FCHSD2: variants seen among roughly 807,000 people sequenced by gnomAD.
FCHSD2 encodes the protein FCH and double SH3 domains 2.
In FCHSD2, 38 loss-of-function variants were observed where a neutral mutation model predicts 108.1. The ratio of observed to expected loss-of-function variants is 0.35; its 90% CI spans 0.27 to 0.46. FCHSD2 has a LOEUF of 0.46. Among genes scored for constraint, FCHSD2 ranks in the 20% least tolerant of loss-of-function variants. The probability of loss-of-function intolerance (pLI) is 1.00; values close to 1 mark genes in which losing one functional copy is unlikely to be tolerated. For synonymous variants in FCHSD2, 279 were observed against 314.7 expected (o/e 0.89, Z 1.20); for missense variants, 751 against 897.8 (o/e 0.84, Z 2.09).
chr11:72,919,774 T>A (rs1329768774), intron 9 of FCHSD2, among the ~76,000 whole-genome samples: 1 of 151,626 alleles, frequency 6.6e-6, no homozygotes, highest in Non-Finnish European at 1.5e-5. Context: ...TTAGAATAAA[T>A]GTCGTTGGAT....
At chr11:72,852,343 C>T (rs1479557847) in intron 13 of FCHSD2, among the ~76,000 whole-genome samples, 2 of 152,160 alleles carry the variant, frequency 1.3e-5, no homozygotes, top group East Asian at 1.9e-4. Flanking sequence ...AACAGGACTA[C>T]CATTCAACCC....
At chr11:73,128,762 C>T (rs949948143) in intron 2 of FCHSD2, among the ~76,000 whole-genome samples, 6 of 152,192 alleles carry the variant, frequency 3.9e-5, no homozygotes, top group Non-Finnish European at 7.4e-5. Flanking sequence ...GACTACTAAC[C>T]GTGGTGAAAG....
At chr11:73,092,911 T>A (rs2135524210) in intron 2 of FCHSD2, among the ~76,000 whole-genome samples, 1 of 152,244 alleles carries the variant, frequency 6.6e-6, no homozygotes, top group Non-Finnish European at 1.5e-5. Context: ...CTGACACAAG[T>A]GTTTCTGTCT....
At chr11:73,031,555 G>T (rs1858361629) in intron 3 of FCHSD2, among the ~76,000 whole-genome samples, 1 of 152,124 alleles carries the variant, frequency 6.6e-6, no homozygotes, top group African/African-American at 2.4e-5. Context: ...ATTTGTACTG[G>T]GTGTTACACT....
At chr11:72,889,981 C>T (rs1855280538) in intron 10 of FCHSD2, 36 bp from the exon 11 acceptor site, 1 of 1,335,656 alleles carries the variant, frequency 7.5e-7, no homozygotes, top group Non-Finnish European at 1.1e-6. Flanking sequence ...AAAAATATTG[C>T]TATCCTTATT....
chr11:73,141,988 G>C lies in FCHSD2; in HGVS notation c.-111C>G. ...CAGCGAGCGCGCGCGTGTGTGAAAGGAGCGCTTAAGAAGCAAGACTTGCCC... is the reference window on the plus strand; with the variant it reads ...CAGCGAGCGCGCGCGTGTGTGAAAGCAGCGCTTAAGAAGCAAGACTTGCCC... On this transcript the variant is annotated 5_prime_UTR_variant, in exon 1 of 20. Transcript: ENST00000409418. The C allele has an allele frequency of 9.1e-7, 1 of 1,101,396 alleles. No homozygotes were observed. Among genetic ancestry groups the C allele is most frequent in the Non-Finnish European group, 1.3e-6 (1 of 772,544 alleles). The allele number at this position is 1,101,396 out of a possible 1,614,324, so 68.2% of individuals were successfully genotyped here.
chr11:72,941,635 ATTTC>A (rs974180762), intron 8 of FCHSD2, among the ~76,000 whole-genome samples: 12 of 152,128 alleles, frequency 7.9e-5, no homozygotes, highest in Non-Finnish European at 1.5e-4. Context: ...AAAAATTAAG[ATTTC>A]TTTACCTTCA....
intron 3 of FCHSD2, among the ~76,000 whole-genome samples, chr11:73,017,442 A>G (rs1032649939): frequency 8.5e-5 from 13 of 152,138 alleles, no homozygotes; most frequent in African/African-American, 3.1e-4. Flanking sequence ...TTAATCAACT[A>G]CCTGCTTGAG....
intron 2 of FCHSD2, among the ~76,000 whole-genome samples, chr11:73,123,176 C>A (rs1331709413): frequency 6.6e-6 from 1 of 152,166 alleles, no homozygotes; most frequent in Non-Finnish European, 1.5e-5. Flanking sequence ...TTGGGGTACA[C>A]AATAAAATAA....
chr11:72,864,613 A>G (rs1854683300), intron 13 of FCHSD2, among the ~76,000 whole-genome samples: 1 of 152,210 alleles, frequency 6.6e-6, no homozygotes, highest in African/African-American at 2.4e-5. Flanking sequence ...TTAAAAAATA[A>G]ATAAATAAGA....
intron 3 of FCHSD2, among the ~76,000 whole-genome samples, chr11:73,040,426 G>A (rs1163490592): frequency 6.6e-6 from 1 of 152,196 alleles, no homozygotes. Flanking sequence ...ATACACATTT[G>A]TATGTGTCTG....
At position 72,940,412 on chromosome 11, in the gene FCHSD2, G is replaced by C. The variant is rs568002697; in HGVS notation, c.706-18462C>G. On this transcript the variant is annotated intron_variant, in intron 8 of 19. Coordinates refer to ENST00000409418, the MANE Select transcript of FCHSD2 (RefSeq NM_014824.3). Reference sequence around the variant, plus strand: ...TTTAATATTAAAGGAAATAATATATGTAATGAGGTTAGTATAATATGTGGC... The same window carrying C: ...TTTAATATTAAAGGAAATAATATATCTAATGAGGTTAGTATAATATGTGGC... 410 of 535,742 alleles carry C rather than the reference G, an allele frequency of 7.7e-4. 2 individuals carry two copies. In the South Asian group the frequency reaches 0.01, roughly 13 times the overall value. The allele number at this position is 535,742 out of a possible 1,614,324, so 33.2% of individuals were successfully genotyped here. A position where few individuals can be genotyped will look rare whatever the true frequency, so the allele number is the denominator to read the frequency against.
At chr11:72,943,575 G>A (rs1349957244) in intron 8 of FCHSD2, among the ~76,000 whole-genome samples, 1 of 152,146 alleles carries the variant, frequency 6.6e-6, no homozygotes, top group Non-Finnish European at 1.5e-5. Context: ...CAGGTGAGAC[G>A]GAGATGAAGG....
At chr11:73,124,172 A>C (rs1860799643) in intron 2 of FCHSD2, among the ~76,000 whole-genome samples, 1 of 152,154 alleles carries the variant, frequency 6.6e-6, no homozygotes, top group Non-Finnish European at 1.5e-5. Flanking sequence ...AGAAAACCAA[A>C]CACCGCATGT....
chr11:73,038,379 T>C (rs1201407858), intron 3 of FCHSD2, among the ~76,000 whole-genome samples: 1 of 150,938 alleles, frequency 6.6e-6, no homozygotes, highest in Non-Finnish European at 1.5e-5. Flanking sequence ...GAAATTCTGA[T>C]GACTGATTGA....
intron 11 of FCHSD2, 32 bp downstream of exon 11, chr11:72,889,797 T>C (rs1431823413): frequency 1.6e-6 from 2 of 1,232,230 alleles, no homozygotes; most frequent in South Asian, 1.2e-5. Context: ...TGGCTTAAGG[T>C]GAATGTAACT....
chr11:72,978,526 T>C (rs1480554998), intron 8 of FCHSD2, among the ~76,000 whole-genome samples: 1 of 152,192 alleles, frequency 6.6e-6, no homozygotes, highest in Non-Finnish European at 1.5e-5. Flanking sequence ...GGTGATATGT[T>C]TGGCTCTGTG....
chr11:72,963,242 T>A (rs1001513655), intron 8 of FCHSD2, among the ~76,000 whole-genome samples: 23 of 152,184 alleles, frequency 1.5e-4, no homozygotes, highest in Non-Finnish European at 2.9e-5. Context: ...TTAAATAACA[T>A]CTTATTAATA....
In FCHSD2 at chr11:73,106,715, G is replaced by A. The variant is rs1035551939; in HGVS notation, c.120-22975C>T. Among the ~76,000 whole-genome samples the A allele has an allele frequency of 5.3e-5, 8 of 152,056 alleles. No homozygotes were observed. In the East Asian group the frequency reaches 5.8e-4, roughly 11 times the overall value. ...CATATTTATGCTGTGTTTTTTCTAC[G>A]TTCAGAATCACAAAAACTTACCATT... On this transcript the variant is annotated intron_variant, in intron 2 of 19. Transcript: ENST00000409418.
Sources: allele counts gnomAD v4.1 joint callset (sites outside exome capture counted in the v4.1 genomes callset), GRCh38; gene constraint gnomAD v4.1.1; transcripts MANE v1.5; gene names NCBI Gene and HGNC (gene_info 2026-07-23, HGNC 2026-07-21).